The following SLC19A1 variants were observed in gnomAD, a reference collection of about 807,000 sequenced individuals.
The protein encoded by SLC19A1 is reduced folate transporter.
Under a neutral mutation model 35.3 loss-of-function variants are expected in SLC19A1, and 37 were observed. That is an observed-to-expected ratio of 1.05 (90% CI 0.81 to 1.38). The LOEUF (loss-of-function observed/expected upper bound fraction) is 1.38, where lower values mean the gene tolerates loss of function less well. Among genes scored for constraint, SLC19A1 ranks in the 40% most tolerant of loss-of-function variants. The pLI is 0.00. For missense variants in SLC19A1, 831 were observed against 826.9 expected, an observed-to-expected ratio of 1.00 and a Z score of -0.06; for synonymous variants, 460 against 398.5, an observed-to-expected ratio of 1.15 and a Z score of -1.84.
Position 45,552,000 on chromosome 21 carries a change from C to A in SLC19A1, c.-50+10742G>T, listed in dbSNP as rs548616985. 1.2e-4 allele frequency among the ~76,000 whole-genome samples: 19 copies of A among 152,292 alleles called. No homozygotes were observed. In the East Asian group the frequency reaches 3.3e-3, roughly 26 times the overall value. On this transcript the variant is annotated intron_variant, in intron 1 of 5. Transcript: ENST00000650808. Reference sequence around the variant, plus strand: ...TGGCCTGAGACCTCGGCTTCCTGTGCGGCCTCCTTATGGCTGTTTCAGGTG... The same window carrying A: ...TGGCCTGAGACCTCGGCTTCCTGTGAGGCCTCCTTATGGCTGTTTCAGGTG...
In SLC19A1 at chr21:45,516,072, G is replaced by A. The variant is rs550647384; in HGVS notation, c.1362C>T (p.Gly454=). ...GGTGGCCCCGCTGGCAGTGCCGCAGGCCATCCAGCATGGCCCCCAAGAAGT... is the reference window on the plus strand; with the variant it reads ...GGTGGCCCCGCTGGCAGTGCCGCAGACCATCCAGCATGGCCCCCAAGAAGT... The part of the protein sequence containing the change: ...IIYFLGAMLD[G]LRHCQRGHHP... Residue 454 remains glycine, a synonymous_variant, in exon 6 of 6, where the codon GGC becomes GGT. Coordinates refer to ENST00000311124, the MANE Select transcript of SLC19A1 (RefSeq NM_194255.4). 6.3e-7 allele frequency: 1 copy of A among 1,596,430 alleles called. No individual in the cohort carries two copies. Among genetic ancestry groups the A allele is most frequent in the South Asian group, 1.1e-5 (1 of 88,434 alleles).
At chr21:45,539,541 G>A (rs2078238748) in intron 1 of SLC19A1, among the ~76,000 whole-genome samples, 1 of 152,160 alleles carries the variant, frequency 6.6e-6, no homozygotes, top group African/African-American at 2.4e-5. Flanking sequence ...GGGGGTCCAG[G>A]GACCCCTAGG....
In SLC19A1 at chr21:45,534,361, C is replaced by G. The variant is rs2078035701; in HGVS notation, c.190-2213G>C. Among the ~76,000 whole-genome samples, 1 of 152,178 alleles carries G rather than the reference C, an allele frequency of 6.6e-6. No individual in the cohort carries two copies. The highest frequency in any genetic ancestry group is 1.5e-5 in the Non-Finnish European group (1 of 68,024). On this transcript the variant is annotated intron_variant, in intron 2 of 5. Coordinates refer to ENST00000311124, the MANE Select transcript of SLC19A1 (RefSeq NM_194255.4). This position sits in a 1 kb window ranked among gnomAD's most constrained non-coding sequence, Gnocchi z 4.2. ...GGGGTCCTCCTAGGACCTCAGGGAC[C>G]CCCGACCCCCAGACACAGGAGGCTG...
At chr21:45,535,779 T>G (rs1397776565) in intron 2 of SLC19A1, among the ~76,000 whole-genome samples, 3 of 152,206 alleles carry the variant, frequency 2.0e-5, no homozygotes, top group African/African-American at 7.2e-5. Context: ...AAGCACCTTG[T>G]AGTTCAACCC....
downstream of SLC19A1, among the ~76,000 whole-genome samples, chr21:45,510,916 G>A (rs2037538738): frequency 2.0e-5 from 3 of 149,436 alleles, no homozygotes. Flanking sequence ...CCCAGGGGCT[G>A]CAGAACCCCA....
At chr21:45,510,268 C>A, downstream of SLC19A1, 3 of 1,599,426 alleles carry the variant, frequency 1.9e-6, no homozygotes, top group South Asian at 2.3e-5. Flanking sequence ...CAAGGTGGGT[C>A]AGTCCAGTCC....
At chr21:45,511,071 CCCACACA>C (rs2037578370), downstream of SLC19A1, 2 of 949,072 alleles carry the variant, frequency 2.1e-6, no homozygotes, top group Non-Finnish European at 3.1e-6. Context: ...CATCCACACC[CCCACACA>C]CCACACACAC....
At position 45,514,709 on chromosome 21, in the gene SLC19A1, C is replaced by T. The variant is rs112640669; in HGVS notation, c.*949G>A. Reference sequence around the variant, plus strand: ...GGCCGGCCCTGAATCAGAAGCCCTGCGCACACTCACTTAAGTGTGTTTAAT... The same window carrying T: ...GGCCGGCCCTGAATCAGAAGCCCTGTGCACACTCACTTAAGTGTGTTTAAT... On this transcript the variant is annotated 3_prime_UTR_variant, in exon 6 of 6. Transcript: ENST00000311124. The T allele has an allele frequency of 8.1e-5, 29 of 358,602 alleles. 1 individual carries two copies. The South Asian group carries it at 1.2e-3, about 14-fold the overall frequency. The allele number at this position is 358,602 out of a possible 1,614,324, so 22.2% of individuals were successfully genotyped here. A position where few individuals can be genotyped will look rare whatever the true frequency, so the allele number is the denominator to read the frequency against.
chr21:45,535,101 CAG>C (rs1253934205), intron 2 of SLC19A1, among the ~76,000 whole-genome samples: 9 of 152,230 alleles, frequency 5.9e-5, no homozygotes, highest in African/African-American at 1.9e-4. Context: ...GGGCACCCAA[CAG>C]GGGCTGGCTG....
chr21:45,553,548 C>T (rs1004468471), intron 1 of SLC19A1, among the ~76,000 whole-genome samples: 30 of 151,602 alleles, frequency 2.0e-4, no homozygotes, highest in Middle Eastern at 3.4e-3. Flanking sequence ...GTTGTGCGGC[C>T]GTCACCCCCA....
At chr21:45,552,603 G>T (rs2078477234) in intron 1 of SLC19A1, among the ~76,000 whole-genome samples, 1 of 152,210 alleles carries the variant, frequency 6.6e-6, no homozygotes, top group Non-Finnish European at 1.5e-5. Flanking sequence ...CACCAGCAGA[G>T]CAGACAGCCT....
intron 5 of SLC19A1, among the ~76,000 whole-genome samples, chr21:45,524,210 CCT>C (rs1171829845): frequency 1.1e-5 from 1 of 94,592 alleles, no homozygotes; most frequent in Non-Finnish European, 2.3e-5. Flanking sequence ...GCTCACCTGC[CCT>C]GAGTGTTCAC....
intron 1 of SLC19A1, among the ~76,000 whole-genome samples, chr21:45,561,414 T>C (rs2078613877): frequency 6.6e-6 from 1 of 152,200 alleles, no homozygotes; most frequent in Admixed American, 6.5e-5. Context: ...TCTCCCGGTG[T>C]TCCCACTCCT....
rs1286696335 is a variant in SLC19A1 at position 45,505,110 on chromosome 21, A to G, written c.498-6498T>C. Reference sequence around the variant, plus strand: ...AGTCCAGGGCACGAGGTAACCAGGAAGCGTCTCTTGTCGCCGTCCGTAGGG... The same window carrying G: ...AGTCCAGGGCACGAGGTAACCAGGAGGCGTCTCTTGTCGCCGTCCGTAGGG... On this transcript the variant is annotated intron_variant, in intron 3 of 4. Transcript: ENST00000417954. 9 of 1,604,256 alleles carry G rather than the reference A, an allele frequency of 5.6e-6. No individual in the cohort carries two copies. In the Admixed American group the frequency reaches 8.4e-5, roughly 15 times the overall value.
intron 1 of SLC19A1, among the ~76,000 whole-genome samples, chr21:45,558,076 G>A (rs1158744040): frequency 2.6e-5 from 4 of 152,250 alleles, no homozygotes; most frequent in Non-Finnish European, 4.4e-5. Flanking sequence ...TTCAGACAGC[G>A]GCGGCATCGT....
At chr21:45,523,809 G>A (rs1165206983) in intron 5 of SLC19A1, among the ~76,000 whole-genome samples, 1 of 152,188 alleles carries the variant, frequency 6.6e-6, no homozygotes, top group African/African-American at 2.4e-5. Context: ...CATACATGCT[G>A]GCAGCCACTG....
intron 3 of SLC19A1, chr21:45,504,418 G>A: frequency 6.2e-7 from 1 of 1,611,598 alleles, no homozygotes; most frequent in Non-Finnish European, 8.5e-7. Context: ...GTCCACAGGG[G>A]GAGAAGGGAG....
downstream of SLC19A1, chr21:45,507,593 G>C: frequency 6.2e-7 from 1 of 1,612,986 alleles, no homozygotes; most frequent in Non-Finnish European, 8.5e-7. Flanking sequence ...CACGAGGGAC[G>C]GTAAGGAGCC....
chr21:45,506,411 A>C, intron 3 of SLC19A1: 1 of 323,260 alleles, frequency 3.1e-6, no homozygotes, highest in Non-Finnish European at 6.1e-6. Context: ...GTGGGATGAA[A>C]TGCATCCTCT....
Sources: gnomAD v4.1 joint callset for allele counts (sites outside exome capture counted in the v4.1 genomes callset) on GRCh38, gnomAD v4.1.1 for gene constraint, Gnocchi (gnomAD v3.1) non-coding constraint, MANE v1.5 for transcripts, NCBI Gene and HGNC (gene_info 2026-07-23, HGNC 2026-07-21) for gene names.